The following MACF1 variants were observed in gnomAD, a reference collection of about 807,000 sequenced individuals.
MACF1 encodes microtubule actin crosslinking factor 1.
A neutral mutation model predicts 854.8 loss-of-function variants in MACF1; 193 were observed. The observed-to-expected ratio is 0.23, with a 90% CI of 0.20 to 0.25. The LOEUF (loss-of-function observed/expected upper bound fraction) is 0.25. MACF1 is among the 10% of genes least tolerant of loss of function. MACF1 has a pLI of 1.00. For missense variants in MACF1, 7,722 were observed against 8,929.1 expected (o/e 0.86, Z 5.45); for synonymous variants, 3,185 against 3,226.7 (o/e 0.99, Z 0.44).
intron 21 of MACF1, chr1:39,299,222 T>C (rs1373549892): frequency 6.6e-6 from 3 of 456,170 alleles, no homozygotes; most frequent in African/African-American, 2.0e-5. Context: ...GTTAAAGTTG[T>C]ATTTCTTCCA....
At position 39,334,269 on chromosome 1, in the gene MACF1, A is replaced by G. The variant is rs941524537; in HGVS notation, c.7681A>G (p.Ile2561Val). Residue 2561 changes from isoleucine to valine, a missense_variant, in exon 37 of 101, where the codon ATA becomes GTA. Coordinates refer to ENST00000564288, the MANE Select transcript of MACF1 (RefSeq NM_001394062.1). Reference sequence around the variant, plus strand: ...GGAAAATATTTCCCTCCCTAAAGCCATAAAATTAGATCTTATTACCTCAGA... The same window carrying G: ...GGAAAATATTTCCCTCCCTAAAGCCGTAAAATTAGATCTTATTACCTCAGA... Reference protein sequence around the residue: ...TKENISLPKAIKLDLITSDLK... With the variant: ...TKENISLPKAVKLDLITSDLK... 9.9e-6 allele frequency: 16 copies of G among 1,613,866 alleles called. No homozygotes were observed. Among genetic ancestry groups the G allele is most frequent in the African/African-American group, 4.0e-5 (3 of 74,882 alleles).
Position 39,429,321 on chromosome 1 carries a change from C to T in MACF1, c.16883C>T (p.Thr5628Ile). 2 of 1,561,122 alleles carry T rather than the reference C, an allele frequency of 1.3e-6. No homozygotes were observed. Among genetic ancestry groups the T allele is most frequent in the Non-Finnish European group, 1.8e-6 (2 of 1,132,920 alleles). Residue 5628 changes from threonine to isoleucine, a missense_variant, in exon 64 of 101, where the codon ACC (threonine) becomes ATC (isoleucine). Coordinates refer to ENST00000564288, the MANE Select transcript of MACF1 (RefSeq NM_001394062.1). ...AATGGTCAGGCTCTTCTAAAACAAA[C>T]CACAGGTACTTTGAAAAGTGTGTCT... ...IKNGQALLKQ[T>I]TGEEVLLIQE...
chr1:39,279,352 C>A (rs1430694229), intron 6 of MACF1, among the ~76,000 whole-genome samples: 1 of 152,108 alleles, frequency 6.6e-6, no homozygotes. Context: ...TATTTAGTAG[C>A]CTGCAGCTTT....
chr1:39,391,904 C>G (rs1441465524), intron 58 of MACF1, among the ~76,000 whole-genome samples: 3 of 152,174 alleles, frequency 2.0e-5, no homozygotes, highest in African/African-American at 4.8e-5. Flanking sequence ...GGACACTGAT[C>G]GGCTGGGCTC....
chr1:39,264,670 T>C (rs1180365404), intron 6 of MACF1, among the ~76,000 whole-genome samples: 2 of 144,974 alleles, frequency 1.4e-5, no homozygotes, highest in Non-Finnish European at 3.0e-5. Flanking sequence ...TTCTTTTTTT[T>C]TTTTTTTTTT....
chr1:39,419,733 A>G (rs1382884568), intron 58 of MACF1, among the ~76,000 whole-genome samples: 1 of 151,468 alleles, frequency 6.6e-6, no homozygotes, highest in Non-Finnish European at 1.5e-5. Flanking sequence ...CCCGGGTTCA[A>G]GCAATTCTTG....
At position 39,454,928 on chromosome 1, in the gene MACF1, A is replaced by G. The variant is rs1349254118; in HGVS notation, c.20906A>G (p.Gln6969Arg). The G allele has an allele frequency of 6.2e-7, 1 of 1,614,018 alleles. No individual in the cohort carries two copies. The highest frequency in any genetic ancestry group is 8.5e-7 in the Non-Finnish European group (1 of 1,180,012). ...RFEEVLTWAK[Q>R]HQQRLETALS... ...CCACAGGTCCTGACATGGGCTAAGC[A>G]GCACCAGCAGCGTCTTGAAACGGCC... The change falls in exon 89 of 101, where the codon CAG (glutamine) becomes CGG (arginine). Residue 6969 changes from glutamine (Q) to arginine (R), a missense_variant. Coordinates refer to ENST00000564288, the MANE Select transcript of MACF1 (RefSeq NM_001394062.1).
intron 58 of MACF1, among the ~76,000 whole-genome samples, chr1:39,405,946 G>C (rs191275082): frequency 6.6e-6 from 1 of 151,864 alleles, no homozygotes. Flanking sequence ...ATTTATTTCA[G>C]TCCCTGAGAT....
chr1:39,320,717 C>G (rs933408143), intron 31 of MACF1, among the ~76,000 whole-genome samples: 1 of 152,144 alleles, frequency 6.6e-6, no homozygotes, highest in African/African-American at 2.4e-5. Context: ...CCTGTAATCC[C>G]TGCACTTTAG....
rs1647722496 is a variant in MACF1 at position 39,357,899 on chromosome 1, G to A, written c.11943+6G>A. ...ACACTGCTCTCCACTCAAAGGTAAG[G>A]GGGCAGTTCCTGGCATCCTTGGTGA... On this transcript the variant is annotated splice_donor_region_variant and intron_variant, in intron 45 of 100. Transcript: ENST00000564288. 3 of 1,599,620 alleles carry A rather than the reference G, an allele frequency of 1.9e-6. No homozygotes were observed. Among genetic ancestry groups the A allele is most frequent in the Non-Finnish European group, 2.6e-6 (3 of 1,173,390 alleles).
At chr1:39,292,728 T>A (rs1458568368) in intron 16 of MACF1, 38 bp from the exon 17 acceptor site, 1 of 1,420,300 alleles carries the variant, frequency 7.0e-7, no homozygotes, top group South Asian at 1.2e-5. Flanking sequence ...TACTTACTCT[T>A]TCTCTAATGT....
At chr1:39,182,800 A>T (rs1644121934) in intron 2 of MACF1, among the ~76,000 whole-genome samples, 1 of 152,214 alleles carries the variant, frequency 6.6e-6, no homozygotes, top group Non-Finnish European at 1.5e-5. Context: ...GTTCTTCAAA[A>T]AGTAGAGTTG....
Position 39,453,694 on chromosome 1 carries a change from C to A in MACF1, c.20743-13C>A, listed in dbSNP as rs1557663220. 1.2e-6 allele frequency: 2 copies of A among 1,613,262 alleles called. No individual in the cohort carries two copies. Among genetic ancestry groups the A allele is most frequent in the East Asian group, 2.2e-5 (1 of 44,874 alleles). On this transcript the variant is annotated splice_polypyrimidine_tract_variant and intron_variant, in intron 87 of 100. Coordinates refer to ENST00000564288, the MANE Select transcript of MACF1 (RefSeq NM_001394062.1). The stretch of plus-strand genomic sequence containing the variant: ...ACTTTTTACGTTTTTGTTTTCAAAT[C>A]TTTTTTGTTTAGGAATTCATGAAGA...
chr1:39,438,196 C>G (rs1163619450), intron 71 of MACF1, among the ~76,000 whole-genome samples, 188 bp downstream of exon 71: 1 of 152,182 alleles, frequency 6.6e-6, no homozygotes, highest in Non-Finnish European at 1.5e-5. Flanking sequence ...AACAAGGTTA[C>G]AATTGGTAGT....
At chr1:39,412,497 A>C (rs1032262079) in intron 58 of MACF1, 1 of 1,613,916 alleles carries the variant, frequency 6.2e-7, no homozygotes, top group African/African-American at 1.3e-5. Context: ...GAAACTTCCC[A>C]GAGCAGGTCT....
intron 23 of MACF1, among the ~76,000 whole-genome samples, chr1:39,307,947 C>G (rs1377404449): frequency 7.6e-6 from 1 of 132,048 alleles, no homozygotes; most frequent in Non-Finnish European, 1.6e-5. Context: ...CCGTGTCGCC[C>G]AGGCTAGAGT....
At chr1:39,426,771 T>C (rs897952234) in intron 61 of MACF1, among the ~76,000 whole-genome samples, 29 of 151,860 alleles carry the variant, frequency 1.9e-4, no homozygotes, top group Admixed American at 6.6e-5. Context: ...TTTGTTTGGT[T>C]TTTTTTTGGG....
intron 2 of MACF1, among the ~76,000 whole-genome samples, chr1:39,146,955 A>G (rs1171817260): frequency 6.6e-6 from 1 of 152,144 alleles, no homozygotes; most frequent in Non-Finnish European, 1.5e-5. Flanking sequence ...CATGTAACCC[A>G]TAAATATATA....
chr1:39,218,689 T>A (rs1016790151), intron 1 of MACF1, among the ~76,000 whole-genome samples: 2 of 152,224 alleles, frequency 1.3e-5, no homozygotes, highest in African/African-American at 4.8e-5. Context: ...TTCTTTATCT[T>A]ACTTCTTTCC....
Sources: allele counts gnomAD v4.1 joint callset (sites outside exome capture counted in the v4.1 genomes callset), GRCh38; gene constraint gnomAD v4.1.1; transcripts MANE v1.5; gene names NCBI Gene and HGNC (gene_info 2026-07-23, HGNC 2026-07-21).